CAMK2B: variants seen among roughly 807,000 people sequenced by gnomAD.
The protein encoded by CAMK2B is calcium/calmodulin dependent protein kinase II beta, also known as calcium/calmodulin-dependent protein kinase type II subunit beta.
CAMK2B carries 27 observed loss-of-function variants against 93.7 expected under a neutral mutation model. The ratio of observed to expected loss-of-function variants is 0.29; its 90% confidence interval spans 0.21 to 0.40. CAMK2B has a LOEUF of 0.40. Ranked by LOEUF, CAMK2B falls within the 10% of genes least tolerant of loss-of-function variation. The pLI, the probability that CAMK2B is intolerant of heterozygous loss-of-function variation, is 1.00. For synonymous variants in CAMK2B, 374 were observed against 358.8 expected, an observed-to-expected ratio of 1.04 and a Z score of -0.48; for missense variants, 568 against 895.8, an observed-to-expected ratio of 0.63 and a Z score of 4.67.
At position 44,220,809 on chromosome 7, in the gene CAMK2B, C is replaced by A. The variant is rs748377531; in HGVS notation, c.1673+17G>T. ...ATCCTTGTCCTGCACAGCCCCCCCC[C>A]AGCCCCAGGGACTCACGCGTAGGCC... is the stretch of plus-strand genomic sequence containing the variant. On this transcript the variant is annotated intron_variant, in intron 21 of 23. Coordinates refer to ENST00000395749, the MANE Select transcript of CAMK2B (RefSeq NM_001220.5). The A allele has an allele frequency of 3.8e-5, 60 of 1,561,334 alleles. No individual in the cohort carries two copies. The African/African-American group carries it at 5.3e-4, about 14-fold the overall frequency.
chr7:44,270,046 C>A (rs1045992989), intron 2 of CAMK2B, among the ~76,000 whole-genome samples: 1 of 152,076 alleles, frequency 6.6e-6, no homozygotes, highest in Non-Finnish European at 1.5e-5. Flanking sequence ...CCACACGGGC[C>A]TGACACAGGG....
In CAMK2B at chr7:44,243,329, G is replaced by A. The variant is rs17172630; in HGVS notation, c.522C>T (p.Phe174=). The A allele has an allele frequency of 0.074, 119,129 of 1,612,976 alleles. 4,867 individuals carry two copies. The highest frequency in any genetic ancestry group is 0.1 in the South Asian group (9,222 of 91,048). Reference sequence around the variant, plus strand: ...GGGACAGGTAGCCTGGTGTGCCAGCGAAACCTAGAGAGAGGGGAAGAGGCC... The same window carrying A: ...GGGACAGGTAGCCTGGTGTGCCAGCAAAACCTAGAGAGAGGGGAAGAGGCC... The part of the protein sequence containing the change: ...VQGDQQAWFG[F]AGTPGYLSPE... Residue 174 remains phenylalanine (F), a synonymous_variant, in exon 8 of 24, where the codon TTC becomes TTT. Transcript: ENST00000395749.
intron 4 of CAMK2B, among the ~76,000 whole-genome samples, chr7:44,257,594 C>A (rs1020646102): frequency 6.6e-5 from 10 of 152,242 alleles, no homozygotes; most frequent in Admixed American, 5.2e-4. Flanking sequence ...TGGCAGCAAG[C>A]CTGCCAGCTC....
intron 1 of CAMK2B, among the ~76,000 whole-genome samples, chr7:44,292,257 GT>G (rs1448729682): frequency 6.6e-6 from 1 of 152,076 alleles, no homozygotes; most frequent in Non-Finnish European, 1.5e-5. Flanking sequence ...AAGAACACCC[GT>G]TTTACAAGAA....
intron 2 of CAMK2B, among the ~76,000 whole-genome samples, chr7:44,266,513 C>T (rs888557130): frequency 1.3e-5 from 2 of 152,330 alleles, no homozygotes; most frequent in Non-Finnish European, 2.9e-5. Context: ...ATTCCCTGCC[C>T]CAGACAGTGG....
At chr7:44,230,613 G>A (rs981973661) in intron 17 of CAMK2B, among the ~76,000 whole-genome samples, 5 of 152,176 alleles carry the variant, frequency 3.3e-5, no homozygotes, top group African/African-American at 9.7e-5. Context: ...CCAGCTGCCC[G>A]GCCACTTGGC....
chr7:44,319,106 A>G (rs1795462011), intron 1 of CAMK2B, among the ~76,000 whole-genome samples: 1 of 152,262 alleles, frequency 6.6e-6, no homozygotes, highest in South Asian at 2.1e-4. Context: ...ATGTTTCTAC[A>G]CTAACAAAGT....
intron 1 of CAMK2B, among the ~76,000 whole-genome samples, chr7:44,318,789 C>G (rs1471549238): frequency 6.6e-6 from 1 of 152,210 alleles, no homozygotes; most frequent in Non-Finnish European, 1.5e-5. Flanking sequence ...CCAATCTGTT[C>G]TAGAATTCAA....
intron 1 of CAMK2B, among the ~76,000 whole-genome samples, chr7:44,298,226 C>T (rs1044156884): frequency 6.6e-6 from 1 of 152,106 alleles, no homozygotes; most frequent in Non-Finnish European, 1.5e-5. Flanking sequence ...AATAGAGTGC[C>T]CAGAAATAAA....
In CAMK2B at chr7:44,220,687, G is replaced by A; in HGVS notation, c.1697C>T (p.Thr566Ile). The A allele has an allele frequency of 6.2e-7, 1 of 1,613,216 alleles. No individual in the cohort carries two copies. Among genetic ancestry groups the A allele is most frequent in the African/African-American group, 1.3e-5 (1 of 75,038 alleles). ...AYAKICDPGLTSFEPEALGNL... is the reference protein window; with the variant it reads ...AYAKICDPGLISFEPEALGNL... ...GCCCAGTGCTTCAGGCTCAAACGAG[G>A]TCAGCCCTGGGTCACAGATTTTCCT... The change falls in exon 22 of 24, where the codon ACC becomes ATC. Residue 566 changes from threonine to isoleucine, a missense_variant. By Grantham distance (89) the Thr-to-Ile change is moderately conservative (BLOSUM62 -1). This residue lies in a region of CAMK2B where 116 missense variants were observed against 188.0 expected (regional missense o/e 0.62). Transcript: ENST00000395749.
intron 1 of CAMK2B, among the ~76,000 whole-genome samples, chr7:44,310,372 G>T (rs1001253623): frequency 5.9e-5 from 9 of 152,180 alleles, no homozygotes; most frequent in African/African-American, 1.7e-4. Context: ...GGACTGGAGA[G>T]AGTCATTTGA....
chr7:44,287,370 T>G (rs10231762), intron 1 of CAMK2B, among the ~76,000 whole-genome samples: 54,930 of 151,984 alleles, frequency 0.36, 10,388 homozygotes, highest in Middle Eastern at 0.44. Flanking sequence ...CCCTGAAAGG[T>G]GCTCCTCCCC....
At chr7:44,232,601 C>A (rs2075077) in intron 16 of CAMK2B, among the ~76,000 whole-genome samples, 10,026 of 152,214 alleles carry the variant, frequency 0.066, 405 homozygotes, top group South Asian at 0.14. Context: ...GGGGACCGGG[C>A]GCAACTGTGC....
In CAMK2B at chr7:44,234,396, G is replaced by T. The variant is rs751452921; in HGVS notation, c.1125C>A (p.Ala375=). 1.4e-5 allele frequency: 21 copies of T among 1,525,970 alleles called. No individual in the cohort carries two copies. Among genetic ancestry groups the T allele is most frequent in the Non-Finnish European group, 1.8e-5 (21 of 1,139,626 alleles). The allele number at this position is 1,525,970 out of a possible 1,614,324, so 94.5% of individuals were successfully genotyped here. A position where few individuals can be genotyped will look rare whatever the true frequency, so the allele number is the denominator to read the frequency against. The change falls in exon 15 of 24, where the codon GCC becomes GCA. Residue 375 remains alanine, a synonymous_variant. Coordinates refer to ENST00000395749, the MANE Select transcript of CAMK2B (RefSeq NM_001220.5). ...AATTTGAGGAGCTCAGTACCAGGGCGGCAGGAGGAAGCGTCCCTTTGGGGC... is the reference window on the plus strand; with the variant it reads ...AATTTGAGGAGCTCAGTACCAGGGCTGCAGGAGGAAGCGTCCCTTTGGGGC... ...ATSPKGTLPP[A]ALEPQTTVIH...
At chr7:44,308,200 C>T (rs1294665836) in intron 1 of CAMK2B, among the ~76,000 whole-genome samples, 1 of 151,894 alleles carries the variant, frequency 6.6e-6, no homozygotes. Flanking sequence ...GTCTCTTCTC[C>T]TCTTTGCCCC....
chr7:44,247,528 C>A (rs1172462628), intron 5 of CAMK2B, among the ~76,000 whole-genome samples: 1 of 152,114 alleles, frequency 6.6e-6, no homozygotes, highest in Non-Finnish European at 1.5e-5. Context: ...AGGAGGGAGG[C>A]CAGGCTGAGT....
rs1244246358 is a variant in CAMK2B, at chr7:44,225,869, C to T, written c.1597+647G>A. On this transcript the variant is annotated intron_variant, in intron 20 of 23. Coordinates refer to ENST00000395749, the MANE Select transcript of CAMK2B (RefSeq NM_001220.5). The surrounding 1 kb of genome is among the most constrained non-coding windows in gnomAD (Gnocchi z 5.0). ...GTCTCCCCACAGGTGGGGGTGGCAG[C>T]AGCCCTGGGATGTCATCCATCCCTG... 7.8e-6 allele frequency: 10 copies of T among 1,289,300 alleles called. No individual in the cohort carries two copies. The East Asian group carries it at 1.7e-4, about 21-fold the overall frequency. 79.9% of individuals were successfully genotyped at this position (1,289,300 alleles called of 1,614,324 possible).
At chr7:44,276,589 C>T (rs1277890592) in intron 2 of CAMK2B, among the ~76,000 whole-genome samples, 1 of 152,120 alleles carries the variant, frequency 6.6e-6, no homozygotes, top group South Asian at 2.1e-4. Flanking sequence ...CAGGGAGTGT[C>T]CCCCCAAGAC....
intron 1 of CAMK2B, among the ~76,000 whole-genome samples, chr7:44,296,918 A>G (rs1294177793): frequency 6.6e-6 from 1 of 152,236 alleles, no homozygotes; most frequent in Non-Finnish European, 1.5e-5. Context: ...GTTAAAAGAA[A>G]TTATTCAGAA....
Sources: allele counts gnomAD v4.1 joint callset (sites outside exome capture counted in the v4.1 genomes callset), GRCh38; gene constraint gnomAD v4.1.1; regional missense constraint gnomAD v4.1.1; non-coding constraint Gnocchi (gnomAD v3.1); transcripts MANE v1.5; gene names NCBI Gene and HGNC (gene_info 2026-07-23, HGNC 2026-07-21).